Variants in GDAP1L1 observed in about 807,000 individuals in gnomAD.
The protein encoded by GDAP1L1 is ganglioside induced differentiation associated protein 1 like 1.
In GDAP1L1, 21 loss-of-function variants were observed where a neutral mutation model predicts 37.1. The ratio of observed to expected loss-of-function variants is 0.57; its 90% confidence interval spans 0.40 to 0.81. The LOEUF is 0.81. Among genes scored for constraint, GDAP1L1 ranks in the 40% least tolerant of loss-of-function variants. GDAP1L1 has a pLI of 0.00. For missense variants in GDAP1L1, 362 were observed against 491.6 expected (o/e 0.74, Z 2.49); for synonymous variants, 193 against 209.1 (o/e 0.92, Z 0.67).
intron 3 of GDAP1L1, among the ~76,000 whole-genome samples, chr20:44,260,564 A>G (rs1031238435): frequency 3.9e-5 from 6 of 152,124 alleles, no homozygotes; most frequent in Admixed American, 2.0e-4. Context: ...GGTGCCCATG[A>G]GTGTTATGAG....
chr20:44,256,616 C>A (rs150331661), intron 1 of GDAP1L1, among the ~76,000 whole-genome samples: 10 of 151,694 alleles, frequency 6.6e-5, no homozygotes, highest in Non-Finnish European at 1.3e-4. Flanking sequence ...GCTGAGATTG[C>A]GCCACTGCAC....
intron 2 of GDAP1L1, among the ~76,000 whole-genome samples, chr20:44,257,705 TCC>T (rs1170616220): frequency 6.6e-6 from 1 of 151,560 alleles, no homozygotes; most frequent in Non-Finnish European, 1.5e-5. Context: ...ACCCTCTAGG[TCC>T]CCACAGACAG....
At chr20:44,255,881 C>T (rs1039023206) in intron 1 of GDAP1L1, among the ~76,000 whole-genome samples, 2 of 152,202 alleles carry the variant, frequency 1.3e-5, no homozygotes, top group African/African-American at 4.8e-5. Flanking sequence ...GAGTCTCAGT[C>T]CACAGGCAGG....
chr20:44,256,187 G>GT (rs2073539412), intron 1 of GDAP1L1, among the ~76,000 whole-genome samples: 1 of 152,144 alleles, frequency 6.6e-6, no homozygotes, highest in Admixed American at 6.5e-5. Context: ...CTGGGCTTTA[G>GT]TTTTCTCATC....
intron 4 of GDAP1L1, among the ~76,000 whole-genome samples, 159 bp downstream of exon 4, chr20:44,263,486 A>C (rs1477241031): frequency 2.0e-5 from 3 of 152,160 alleles, no homozygotes; most frequent in Non-Finnish European, 4.4e-5. Context: ...TAGCTGTTAG[A>C]CCTGGGGTAA....
At chr20:44,261,466 C>T (rs768946061) in intron 3 of GDAP1L1, among the ~76,000 whole-genome samples, 3 of 152,168 alleles carry the variant, frequency 2.0e-5, no homozygotes, top group African/African-American at 4.8e-5. Flanking sequence ...AAGTCACTCA[C>T]TCATTTCATT....
intron 5 of GDAP1L1, among the ~76,000 whole-genome samples, chr20:44,273,260 G>A (rs559415637): frequency 2.0e-5 from 3 of 152,304 alleles, no homozygotes; most frequent in East Asian, 3.9e-4. Flanking sequence ...GGAAGATCCA[G>A]GGAATTATAC....
chr20:44,269,802 G>T (rs566832099), intron 5 of GDAP1L1, among the ~76,000 whole-genome samples: 7 of 152,100 alleles, frequency 4.6e-5, no homozygotes, highest in Non-Finnish European at 7.4e-5. Context: ...GTGGTGGCAC[G>T]TGCCTGTAAT....
At position 44,247,507 on chromosome 20, in the gene GDAP1L1, C is replaced by T; in HGVS notation, c.173C>T (p.Ser58Leu). 3.3e-6 allele frequency: 5 copies of T among 1,517,664 alleles called. No individual in the cohort carries two copies. Among genetic ancestry groups the T allele is most frequent in the Non-Finnish European group, 4.4e-6 (5 of 1,130,374 alleles). 94.0% of individuals were successfully genotyped at this position (1,517,664 alleles called of 1,614,324 possible). The change falls in exon 1 of 6, where the codon TCG (serine) becomes TTG (leucine). Residue 58 changes from serine (S) to leucine (L), a missense_variant. By Grantham distance (145) the Ser-to-Leu change is moderately radical. Around this residue, in one of 2 missense-constraint regions of GDAP1L1, gnomAD observed 277 missense variants for 337.1 expected, o/e 0.82. Transcript: ENST00000342560. Reference protein sequence around the residue: ...VLYHWTQSFSSQKVRLVIAEK... With the variant: ...VLYHWTQSFSLQKVRLVIAEK... ...TACCACTGGACCCAGTCCTTCAGCT[C>T]GCAGAAGGTAGAGCCGGGCCGGGAG...
In GDAP1L1 at chr20:44,257,245, G is replaced by C; in HGVS notation, c.273G>C (p.Arg91=). The C allele has an allele frequency of 6.2e-7, 1 of 1,613,444 alleles. No homozygotes were observed. The highest frequency in any genetic ancestry group is 1.1e-5 in the South Asian group (1 of 90,952). The part of the protein sequence containing the change: ...QSEHKEPWFM[R]LNLGEEVPVI... The stretch of plus-strand genomic sequence containing the variant: ...AGCACAAGGAGCCCTGGTTCATGCG[G>C]CTCAACCTGGGCGAGGAGGTGCCCG... Residue 91 remains arginine, a synonymous_variant, in exon 2 of 6, where the codon CGG becomes CGC. Coordinates refer to ENST00000342560, the MANE Select transcript of GDAP1L1 (RefSeq NM_024034.6).
chr20:44,264,445 G>A lies in GDAP1L1; in HGVS notation c.646G>A (p.Ala216Thr). Residue 216 changes from alanine (A) to threonine (T), a missense_variant and splice_region_variant, in exon 5 of 6, where the codon GCC becomes ACC. Ala to Thr is a moderately conservative substitution (Grantham distance 58). This residue lies in a region of GDAP1L1 where 277 missense variants were observed against 337.1 expected (regional missense o/e 0.82). Transcript: ENST00000342560. The stretch of plus-strand genomic sequence containing the variant: ...TCTCTTGGCCCTGTCCTGCCCCCAG[G>A]CCAAGATCTTGGAGCATGATGATGT... ...PYLSKQKKLM[A>T]KILEHDDVSY... The A allele has an allele frequency of 1.3e-6, 2 of 1,493,080 alleles. No homozygotes were observed. The highest frequency in any genetic ancestry group is 1.4e-5 in the South Asian group (1 of 70,764). The allele number at this position is 1,493,080 out of a possible 1,614,324, so 92.5% of individuals were successfully genotyped here. A position where few individuals can be genotyped will look rare whatever the true frequency, so the allele number is the denominator to read the frequency against.
At chr20:44,276,462 A>AAGAAAGAAAG in intron 5 of GDAP1L1, among the ~76,000 whole-genome samples, 1 of 151,550 alleles carries the variant, frequency 6.6e-6, no homozygotes, top group East Asian at 1.9e-4. Context: ...GAAAGAAAGA[A>AAGAAAGAAAG]AGAAAAAGAA....
chr20:44,262,509 C>T (rs1347636991), intron 3 of GDAP1L1, among the ~76,000 whole-genome samples: 1 of 151,924 alleles, frequency 6.6e-6, no homozygotes, highest in East Asian at 1.9e-4. Context: ...TTGGGTCTAT[C>T]GGTTTCTGGC....
intron 5 of GDAP1L1, among the ~76,000 whole-genome samples, chr20:44,277,879 C>T (rs2062600192): frequency 1.3e-5 from 2 of 152,034 alleles, no homozygotes; most frequent in African/African-American, 4.8e-5. Flanking sequence ...TGGGGCCGGG[C>T]GCAGTGGCTT....
chr20:44,279,362 G>A lies in GDAP1L1; in HGVS notation c.*62G>A. 1 of 1,083,362 alleles carries A rather than the reference G, an allele frequency of 9.2e-7. No homozygotes were observed. Among genetic ancestry groups the A allele is most frequent in the Non-Finnish European group, 1.4e-6 (1 of 714,554 alleles). 67.1% of individuals were successfully genotyped at this position (1,083,362 alleles called of 1,614,324 possible). A position where few individuals can be genotyped will look rare whatever the true frequency, so the allele number is the denominator to read the frequency against. ...CTCTGTGCTGTGTGATTCCCCGTGA[G>A]CTCTCAGTAACTCACTGTCTCATGA... On this transcript the variant is annotated 3_prime_UTR_variant, in exon 6 of 6. Coordinates refer to ENST00000342560, the MANE Select transcript of GDAP1L1 (RefSeq NM_024034.6).
intron 3 of GDAP1L1, among the ~76,000 whole-genome samples, chr20:44,258,996 C>G (rs2073621235): frequency 6.7e-6 from 1 of 149,818 alleles, no homozygotes; most frequent in African/African-American, 2.5e-5. Flanking sequence ...ATGGGGCTGT[C>G]TGTCCCCACA....
At chr20:44,269,539 C>T (rs2062490895) in intron 5 of GDAP1L1, among the ~76,000 whole-genome samples, 1 of 152,128 alleles carries the variant, frequency 6.6e-6, no homozygotes, top group South Asian at 2.1e-4. Context: ...GAGATGGTTG[C>T]AGTGGATATG....
chr20:44,254,814 C>T (rs548209857), intron 1 of GDAP1L1, among the ~76,000 whole-genome samples: 1 of 152,282 alleles, frequency 6.6e-6, no homozygotes, highest in South Asian at 2.1e-4. Flanking sequence ...CCATGATCCA[C>T]CAAACAGGAG....
chr20:44,265,082 C>G (rs1367532629), intron 5 of GDAP1L1: 27 of 985,254 alleles, frequency 2.7e-5, no homozygotes, highest in Non-Finnish European at 3.3e-5. Flanking sequence ...CATCACCTCC[C>G]TTACACAACT....
Sources: gnomAD v4.1 joint callset for allele counts (sites outside exome capture counted in the v4.1 genomes callset) on GRCh38, gnomAD v4.1.1 for gene constraint, gnomAD v4.1.1 regional missense constraint, MANE v1.5 for transcripts, NCBI Gene and HGNC (gene_info 2026-07-23, HGNC 2026-07-21) for gene names.